GNG7: variants seen among roughly 807,000 people sequenced by gnomAD.
GNG7 encodes the protein guanine nucleotide-binding protein G(I)/G(S)/G(O) subunit gamma-7.
A neutral mutation model predicts 4.0 loss-of-function variants in GNG7; 1 was observed. That is an observed-to-expected ratio of 0.25 (90% confidence interval 0.09 to 1.18). The LOEUF (loss-of-function observed/expected upper bound fraction) is 1.18. GNG7 is among the 50% of genes most tolerant of loss of function. The probability of loss-of-function intolerance (pLI) is 0.50; values close to 1 mark genes in which losing one functional copy is unlikely to be tolerated. For missense variants in GNG7, 86 were observed against 91.9 expected (o/e 0.94, Z 0.26); for synonymous variants, 34 against 36.9 (o/e 0.92, Z 0.29).
chr19:2,598,520 G>A (rs1162879405), intron 2 of GNG7, among the ~76,000 whole-genome samples: 1 of 151,426 alleles, frequency 6.6e-6, no homozygotes, highest in Non-Finnish European at 1.5e-5. Flanking sequence ...AGCTGGGTGT[G>A]GTGGCGGGCG....
chr19:2,652,000 C>A (rs1485497965), intron 1 of GNG7, among the ~76,000 whole-genome samples: 2 of 149,424 alleles, frequency 1.3e-5, no homozygotes, highest in Non-Finnish European at 3.0e-5. Flanking sequence ...CACAGTGAAA[C>A]CCCGTCTGTA....
chr19:2,595,851 G>A (rs1454915813), intron 2 of GNG7, among the ~76,000 whole-genome samples: 1 of 152,128 alleles, frequency 6.6e-6, no homozygotes, highest in South Asian at 2.1e-4. Flanking sequence ...TGTAGGAAAA[G>A]TCTAGGGAGT....
At chr19:2,602,946 T>C (rs1378643416) in intron 2 of GNG7, among the ~76,000 whole-genome samples, 4 of 149,874 alleles carry the variant, frequency 2.7e-5, no homozygotes, top group African/African-American at 1.0e-4. Context: ...TTTCTTCCTT[T>C]CTTTCTTTTC....
At chr19:2,621,488 A>C (rs569138594) in intron 2 of GNG7, among the ~76,000 whole-genome samples, 79 of 152,198 alleles carry the variant, frequency 5.2e-4, no homozygotes, top group African/African-American at 1.9e-3. Context: ...ACCTGAGATA[A>C]GGAGTTCGAG....
intron 2 of GNG7, among the ~76,000 whole-genome samples, chr19:2,624,438 G>A (rs1013433654): frequency 1.3e-5 from 2 of 151,236 alleles, no homozygotes; most frequent in Non-Finnish European, 2.9e-5. Context: ...GGCTGAGGCA[G>A]GAGAATGGCG....
At chr19:2,590,381 G>A (rs1309764924) in intron 2 of GNG7, among the ~76,000 whole-genome samples, 1 of 152,084 alleles carries the variant, frequency 6.6e-6, no homozygotes. Context: ...GTAGAATTGT[G>A]TGAATTATAT....
chr19:2,688,297 T>C (rs1404463181), intron 1 of GNG7, among the ~76,000 whole-genome samples: 1 of 152,000 alleles, frequency 6.6e-6, no homozygotes. Context: ...AAAAGCAAAG[T>C]TTGCCGTACG....
intron 4 of GNG7, among the ~76,000 whole-genome samples, chr19:2,519,789 C>A (rs375178032): frequency 6.6e-6 from 1 of 152,118 alleles, no homozygotes. Context: ...ACCAACTCTT[C>A]CCTGGGTCTC....
chr19:2,557,219 A>G lies in GNG7; in HGVS notation c.-77-2031T>C, dbSNP rs566746198. Among the ~76,000 whole-genome samples, 76 of 148,290 alleles carry G rather than the reference A, an allele frequency of 5.1e-4. No homozygotes were observed. Among genetic ancestry groups the G allele is most frequent in the Non-Finnish European group, 9.0e-4 (61 of 67,818 alleles). ...CACACATTTGCATGCACACACAGAC[A>G]CACATGCACACACAGACGCACATGT... On this transcript the variant is annotated intron_variant, in intron 2 of 4. Coordinates refer to ENST00000382159, the MANE Select transcript of GNG7 (RefSeq NM_052847.3). The surrounding 1 kb of genome is among the most constrained non-coding windows in gnomAD (Gnocchi z 5.1).
rs1172827960 is a variant in GNG7, at chr19:2,633,849, G to A, written c.-78+12375C>T. Among the ~76,000 whole-genome samples, 1 of 152,136 alleles carries A rather than the reference G, an allele frequency of 6.6e-6. No individual in the cohort carries two copies. The highest frequency in any genetic ancestry group is 1.5e-5 in the Non-Finnish European group (1 of 68,018). Reference sequence around the variant, plus strand: ...ATTTGGGGCTGAATCATTCTTGGTTGTGGGGCTGCCCCGGGCACTGCAGGG... The same window carrying A: ...ATTTGGGGCTGAATCATTCTTGGTTATGGGGCTGCCCCGGGCACTGCAGGG... On this transcript the variant is annotated intron_variant, in intron 2 of 4. Coordinates refer to ENST00000382159, the MANE Select transcript of GNG7 (RefSeq NM_052847.3). The surrounding 1 kb of genome is among the most constrained non-coding windows in gnomAD (Gnocchi z 5.9).
intron 2 of GNG7, among the ~76,000 whole-genome samples, chr19:2,621,163 C>G (rs1455014924): frequency 1.3e-5 from 2 of 152,096 alleles, no homozygotes; most frequent in Non-Finnish European, 2.9e-5. Flanking sequence ...TAGTGACGTC[C>G]CTTCAAAATT....
At chr19:2,583,532 TG>T (rs1393567655) in intron 2 of GNG7, among the ~76,000 whole-genome samples, 1 of 152,228 alleles carries the variant, frequency 6.6e-6, no homozygotes, top group Admixed American at 6.5e-5. Context: ...GTGCAGGTGC[TG>T]GGGGCTGGTG....
At chr19:2,665,447 G>C (rs767999475) in intron 1 of GNG7, among the ~76,000 whole-genome samples, 20 of 152,238 alleles carry the variant, frequency 1.3e-4, no homozygotes, top group Non-Finnish European at 2.8e-4. Flanking sequence ...TGGTGAGACG[G>C]GCAACAAGGA....
chr19:2,684,325 C>T lies in GNG7; in HGVS notation c.-135+18321G>A, dbSNP rs556927897. ...ATAATTTTTGTATTTTTAGTAGAGA[C>T]GGGGTTTCACCATGTTGGCCAGGAT... On this transcript the variant is annotated intron_variant, in intron 1 of 4. Coordinates refer to ENST00000382159, the MANE Select transcript of GNG7 (RefSeq NM_052847.3). 2.6e-5 allele frequency among the ~76,000 whole-genome samples: 4 copies of T among 151,474 alleles called. No individual in the cohort carries two copies. In the South Asian group the frequency reaches 8.4e-4, roughly 32 times the overall value.
chr19:2,677,811 T>A (rs1340338139), intron 1 of GNG7, among the ~76,000 whole-genome samples: 2 of 151,950 alleles, frequency 1.3e-5, no homozygotes, highest in Non-Finnish European at 2.9e-5. Flanking sequence ...CAACTCGGGG[T>A]GTCCCTGGCA....
intron 2 of GNG7, among the ~76,000 whole-genome samples, chr19:2,576,114 C>T (rs1470839142): frequency 6.6e-6 from 1 of 151,906 alleles, no homozygotes; most frequent in East Asian, 1.9e-4. Flanking sequence ...ACCAGACACA[C>T]AGATGCATGC....
chr19:2,541,137 A>G (rs1373181163), intron 3 of GNG7, among the ~76,000 whole-genome samples: 1 of 152,222 alleles, frequency 6.6e-6, no homozygotes, highest in Non-Finnish European at 1.5e-5. Flanking sequence ...GGGTTCCTCC[A>G]TCGGCAGGGA....
chr19:2,542,107 CT>C (rs1175526574), intron 3 of GNG7, among the ~76,000 whole-genome samples: 679 of 64,540 alleles, frequency 0.011, no homozygotes, highest in African/African-American at 0.037. Context: ...GCTGTGTGTT[CT>C]TTTTTTTTTT....
intron 2 of GNG7, among the ~76,000 whole-genome samples, chr19:2,619,194 C>T (rs1388946828): frequency 2.0e-5 from 3 of 152,192 alleles, no homozygotes; most frequent in Admixed American, 1.3e-4. Context: ...ATCGTCAGGA[C>T]CAGAGAGTTT....
Sources: gnomAD v4.1 joint callset for allele counts (sites outside exome capture counted in the v4.1 genomes callset) on GRCh38, gnomAD v4.1.1 for gene constraint, Gnocchi (gnomAD v3.1) non-coding constraint, MANE v1.5 for transcripts, NCBI Gene and HGNC (gene_info 2026-07-23, HGNC 2026-07-21) for gene names.